CNTNAP2: variants seen among roughly 807,000 people sequenced by gnomAD.
CNTNAP2 encodes contactin-associated protein-like 2.
A neutral mutation model predicts 155.2 loss-of-function variants in CNTNAP2; 98 were observed. The ratio of observed to expected loss-of-function variants is 0.63; its 90% CI spans 0.54 to 0.75. The LOEUF (loss-of-function observed/expected upper bound fraction) is 0.75. CNTNAP2 is among the 30% of genes least tolerant of loss of function. The probability of loss-of-function intolerance (pLI) is 0.00; values close to 1 mark genes in which losing one functional copy is unlikely to be tolerated. For missense variants in CNTNAP2, 1,727 were observed against 1,688.1 expected, an observed-to-expected ratio of 1.02 and a Z score of -0.40; for synonymous variants, 651 against 631.2, an observed-to-expected ratio of 1.03 and a Z score of -0.47.
At chr7:146,652,635 A>C (rs1799936069) in intron 1 of CNTNAP2, among the ~76,000 whole-genome samples, 1 of 152,184 alleles carries the variant, frequency 6.6e-6, no homozygotes. Flanking sequence ...AGAATATTAT[A>C]GACTTATTTC....
intron 1 of CNTNAP2, among the ~76,000 whole-genome samples, chr7:146,281,100 G>A (rs374384235): frequency 2.0e-4 from 31 of 152,166 alleles, no homozygotes; most frequent in Admixed American, 1.4e-3. Flanking sequence ...GGCCAAGGCG[G>A]GTCACAGCTC....
chr7:147,137,909 ATAGATAGG>A (rs201482908), intron 8 of CNTNAP2, among the ~76,000 whole-genome samples: 23,593 of 140,914 alleles, frequency 0.17, 2,012 homozygotes, highest in South Asian at 0.26. Flanking sequence ...AGATAGATAG[ATAGATAGG>A]TAGATAGATA....
At chr7:146,563,843 G>T (rs1472578183) in intron 1 of CNTNAP2, among the ~76,000 whole-genome samples, 1 of 152,120 alleles carries the variant, frequency 6.6e-6, no homozygotes, top group Non-Finnish European at 1.5e-5. Flanking sequence ...TGTCAGGAAA[G>T]ATAGTAACAG....
intron 1 of CNTNAP2, among the ~76,000 whole-genome samples, chr7:146,237,288 A>C (rs567294035): frequency 1.3e-5 from 2 of 152,302 alleles, no homozygotes; most frequent in African/African-American, 4.8e-5. Flanking sequence ...TAAATGAATA[A>C]ATAGCACCTC....
intron 8 of CNTNAP2, among the ~76,000 whole-genome samples, chr7:147,176,975 A>T (rs1216779030): frequency 7.2e-6 from 1 of 139,752 alleles, no homozygotes; most frequent in African/African-American, 2.6e-5. Flanking sequence ...TTCTATATAT[A>T]AAATTATAGA....
At chr7:147,479,342 A>C (rs1367247101) in intron 10 of CNTNAP2, among the ~76,000 whole-genome samples, 1 of 152,246 alleles carries the variant, frequency 6.6e-6, no homozygotes, top group Non-Finnish European at 1.5e-5. Flanking sequence ...GCATGAATAA[A>C]GACAATTTCT....
At chr7:147,016,697 G>T (rs550409945) in intron 3 of CNTNAP2, among the ~76,000 whole-genome samples, 1 of 152,156 alleles carries the variant, frequency 6.6e-6, no homozygotes, top group East Asian at 1.9e-4. Flanking sequence ...ACTTTTGACA[G>T]ACCCATATTG....
chr7:147,840,813 T>G (rs967283703), intron 13 of CNTNAP2, among the ~76,000 whole-genome samples: 1 of 151,858 alleles, frequency 6.6e-6, no homozygotes, highest in East Asian at 1.9e-4. Flanking sequence ...GAATGGGATC[T>G]AGATTCTTGG....
At chr7:146,212,467 C>T (rs1799050262) in intron 1 of CNTNAP2, among the ~76,000 whole-genome samples, 1 of 152,082 alleles carries the variant, frequency 6.6e-6, no homozygotes, top group Non-Finnish European at 1.5e-5. Context: ...CTTTAATCAT[C>T]TGGACGTATA....
At chr7:146,872,699 A>C (rs983843557) in intron 3 of CNTNAP2, among the ~76,000 whole-genome samples, 1 of 152,230 alleles carries the variant, frequency 6.6e-6, no homozygotes, top group Non-Finnish European at 1.5e-5. Flanking sequence ...TTGTATACAC[A>C]TTAGGAGATA....
At chr7:146,577,301 G>T (rs1266550469) in intron 1 of CNTNAP2, among the ~76,000 whole-genome samples, 1 of 152,060 alleles carries the variant, frequency 6.6e-6, no homozygotes, top group East Asian at 1.9e-4. Flanking sequence ...GCTGAGACTA[G>T]ATTTAGAGCT....
chr7:147,980,511 T>C (rs1801502886), intron 15 of CNTNAP2, among the ~76,000 whole-genome samples: 1 of 152,194 alleles, frequency 6.6e-6, no homozygotes, highest in Admixed American at 6.5e-5. Flanking sequence ...TAGAATACTT[T>C]TGTGTCTGTG....
chr7:146,599,532 A>G (rs758815621), intron 1 of CNTNAP2, among the ~76,000 whole-genome samples: 11 of 151,960 alleles, frequency 7.2e-5, no homozygotes, highest in East Asian at 5.8e-4. Flanking sequence ...ATATCCACCA[A>G]TCAGGCCATT....
At chr7:147,751,611 A>C (rs1157011926) in intron 13 of CNTNAP2, among the ~76,000 whole-genome samples, 1 of 152,264 alleles carries the variant, frequency 6.6e-6, no homozygotes, top group Non-Finnish European at 1.5e-5. Context: ...AAGGGGATGA[A>C]ATGTGTGCAA....
chr7:147,682,949 A>C lies in CNTNAP2; in HGVS notation c.2098+43643A>C, dbSNP rs17170641. On this transcript the variant is annotated intron_variant, in intron 13 of 23. Transcript: ENST00000361727. ...GCAATTTGAAAGCTATTATGGGTAA[A>C]AAACATCTAAAGGGTTTACACACAC... Among the ~76,000 whole-genome samples, 1,019 of 151,946 alleles carry C rather than the reference A, an allele frequency of 6.7e-3. 15 individuals are homozygous for C. The highest frequency in any genetic ancestry group is 0.023 in the African/African-American group (966 of 41,484).
chr7:148,031,853 G>A (rs116611384), intron 15 of CNTNAP2, among the ~76,000 whole-genome samples: 250 of 152,268 alleles, frequency 1.6e-3, no homozygotes, highest in African/African-American at 5.7e-3. Flanking sequence ...CTCAGTCAGA[G>A]AGGACATTAA....
intron 4 of CNTNAP2, among the ~76,000 whole-genome samples, chr7:147,055,079 C>A (rs556224702): frequency 6.6e-6 from 1 of 152,244 alleles, no homozygotes; most frequent in East Asian, 1.9e-4. Context: ...AAGCATTCAA[C>A]CCGTACCAAT....
chr7:148,315,501 C>A (rs138050371), intron 21 of CNTNAP2, among the ~76,000 whole-genome samples: 2,854 of 152,132 alleles, frequency 0.019, 24 homozygotes, highest in Middle Eastern at 0.048. Context: ...AGGAACAGGC[C>A]ATTTTCACTT....
intron 1 of CNTNAP2, among the ~76,000 whole-genome samples, chr7:146,358,295 A>C (rs935723388): frequency 2.0e-5 from 3 of 152,042 alleles, no homozygotes; most frequent in Admixed American, 2.0e-4. Flanking sequence ...CAGCCTCCCA[A>C]AGTGCTGGGA....
Sources: gnomAD v4.1 joint callset for allele counts (sites outside exome capture counted in the v4.1 genomes callset) on GRCh38, gnomAD v4.1.1 for gene constraint, MANE v1.5 for transcripts, NCBI Gene and HGNC (gene_info 2026-07-23, HGNC 2026-07-21) for gene names.